Variants in CWF19L2 observed in about 807,000 individuals in gnomAD.
CWF19L2 encodes CWF19 like cell cycle control factor 2, also known as CWF19-like protein 2.
Under a neutral mutation model 111.7 loss-of-function variants are expected in CWF19L2, and 98 were observed. The observed-to-expected ratio is 0.88, with a 90% CI of 0.75 to 1.04. The LOEUF (loss-of-function observed/expected upper bound fraction) is 1.04. Among genes scored for constraint, CWF19L2 ranks in the 50% least tolerant of loss-of-function variants. The probability of loss-of-function intolerance (pLI) is 0.00; values close to 1 mark genes in which losing one functional copy is unlikely to be tolerated. For synonymous variants in CWF19L2, 351 were observed against 342.9 expected, an observed-to-expected ratio of 1.02 and a Z score of -0.26; for missense variants, 1,101 against 1,051.4, an observed-to-expected ratio of 1.05 and a Z score of -0.65.
chr11:107,374,144 T>C (rs1205251451), intron 12 of CWF19L2, among the ~76,000 whole-genome samples: 1 of 134,306 alleles, frequency 7.4e-6, no homozygotes, highest in African/African-American at 3.1e-5. Flanking sequence ...CTACGTCGGA[T>C]TGGTGTACCT....
chr11:107,424,273 G>A (rs909390805), intron 8 of CWF19L2, among the ~76,000 whole-genome samples: 24 of 151,186 alleles, frequency 1.6e-4, no homozygotes, highest in Middle Eastern at 3.4e-3. Context: ...TAACCTCAGG[G>A]ATCTTGCTCA....
intron 12 of CWF19L2, among the ~76,000 whole-genome samples, chr11:107,358,049 T>G (rs929021641): frequency 2.0e-5 from 3 of 152,142 alleles, no homozygotes; most frequent in Non-Finnish European, 4.4e-5. Context: ...AGTTAGCCAT[T>G]TCACACTCAC....
chr11:107,380,638 T>C (rs1001635203), intron 12 of CWF19L2, among the ~76,000 whole-genome samples: 1 of 152,170 alleles, frequency 6.6e-6, no homozygotes, highest in African/African-American at 2.4e-5. Context: ...AGTGTAAAAT[T>C]GTTCAAACTG....
chr11:107,433,668 C>T lies in CWF19L2; in HGVS notation c.746G>A (p.Arg249Lys). 1 of 1,586,068 alleles carries T rather than the reference C, an allele frequency of 6.3e-7. No individual in the cohort carries two copies. ...RMKEQAEKQS[R>K]NFEDIVAERY... ...TTCGGCTACAATGTCCTCAAAGTTT[C>T]TACTTTGTTTCTCAGCTTGTTCCTT... Residue 249 changes from arginine to lysine, a missense_variant, in exon 7 of 18, where the codon AGA becomes AAA. Coordinates refer to ENST00000282251, the MANE Select transcript of CWF19L2 (RefSeq NM_152434.3).
rs902855288 is a variant in CWF19L2 at position 107,417,792 on chromosome 11, C to T, written c.1527+402G>A. ...TTTTTTTTGAGACACAGTCTCGCTT[C>T]GTCACCCAGGCTGGAGTGCTGCAAT... On this transcript the variant is annotated intron_variant, in intron 9 of 17. Transcript: ENST00000282251. Among the ~76,000 whole-genome samples the T allele has an allele frequency of 8.7e-5, 13 of 149,888 alleles. No individual in the cohort carries two copies. In the South Asian group the frequency reaches 2.7e-3, roughly 32 times the overall value.
At chr11:107,457,679 T>C in intron 1 of CWF19L2, 33 bp downstream of exon 1, 1 of 1,493,856 alleles carries the variant, frequency 6.7e-7, no homozygotes, top group Non-Finnish European at 9.1e-7. Context: ...CCCACAACAA[T>C]AAATAACTAC....
chr11:107,384,015 G>C (rs1404827115), intron 12 of CWF19L2, among the ~76,000 whole-genome samples: 1 of 152,122 alleles, frequency 6.6e-6, no homozygotes, highest in Non-Finnish European at 1.5e-5. Flanking sequence ...AGCCTAATAA[G>C]CTCCATAAAG....
chr11:107,420,117 GA>G (rs1861283102), intron 8 of CWF19L2, among the ~76,000 whole-genome samples: 1 of 151,736 alleles, frequency 6.6e-6, no homozygotes, highest in Admixed American at 6.6e-5. Flanking sequence ...AGGACAAAGT[GA>G]AAAAAGAACA....
intron 6 of CWF19L2, among the ~76,000 whole-genome samples, 160 bp from the exon 7 acceptor site, chr11:107,433,909 TATATATATATA>T (rs1861503573): frequency 1.5e-5 from 2 of 133,752 alleles, no homozygotes; most frequent in Non-Finnish European, 3.4e-5. Context: ...TATATATATA[TATATATATATA>T]TTTCAGTGCC....
At chr11:107,422,448 C>G (rs776231190) in intron 8 of CWF19L2, among the ~76,000 whole-genome samples, 67 of 151,824 alleles carry the variant, frequency 4.4e-4, no homozygotes, top group Non-Finnish European at 7.8e-4. Context: ...TGTGGGAAAG[C>G]AGGAGAGAGA....
intron 8 of CWF19L2, among the ~76,000 whole-genome samples, chr11:107,428,215 G>T (rs943961423): frequency 6.0e-4 from 91 of 151,910 alleles, no homozygotes; most frequent in African/African-American, 2.0e-3. Flanking sequence ...CTACATAAAT[G>T]CAACATATAT....
chr11:107,448,532 G>A lies in CWF19L2; in HGVS notation c.340-5483C>T, dbSNP rs541612593. ...AGGGAACAGAAAAAAAAAATACTTC[G>A]AAAAAAGCCTGAAAGTTTCATATTT... is the stretch of plus-strand genomic sequence containing the variant. On this transcript the variant is annotated intron_variant, in intron 3 of 17. Transcript: ENST00000282251. Among the ~76,000 whole-genome samples the A allele has an allele frequency of 6.4e-4, 97 of 151,764 alleles. 1 individual carries two copies. The highest frequency in any genetic ancestry group is 2.2e-3 in the African/African-American group (91 of 41,376).
chr11:107,451,015 A>C (rs995563507), intron 3 of CWF19L2, among the ~76,000 whole-genome samples: 11 of 152,214 alleles, frequency 7.2e-5, no homozygotes, highest in Non-Finnish European at 1.6e-4. Context: ...GACATTTATA[A>C]AACACTATAC....
chr11:107,363,048 A>C (rs375464355), intron 12 of CWF19L2, among the ~76,000 whole-genome samples: 108 of 152,184 alleles, frequency 7.1e-4, no homozygotes, highest in East Asian at 5.6e-3. Flanking sequence ...GGAGCTGATG[A>C]GATCAACTGG....
chr11:107,392,189 G>A (rs1037171918), intron 11 of CWF19L2, among the ~76,000 whole-genome samples: 3 of 152,110 alleles, frequency 2.0e-5, no homozygotes, highest in Non-Finnish European at 4.4e-5. Context: ...TATTCTGAAT[G>A]AACAGTTCTT....
rs143584958 is a variant in CWF19L2 at position 107,395,178 on chromosome 11, T to C, written c.1618-2283A>G. Among the ~76,000 whole-genome samples the C allele has an allele frequency of 3.3e-3, 501 of 152,310 alleles. 1 individual carries two copies. The highest frequency in any genetic ancestry group is 5.5e-3 in the Non-Finnish European group (374 of 68,022). On this transcript the variant is annotated intron_variant, in intron 10 of 17. Coordinates refer to ENST00000282251, the MANE Select transcript of CWF19L2 (RefSeq NM_152434.3). Reference sequence around the variant, plus strand: ...GGTCTTTCCTGTGCTGTTCTCGTGATAGTGAATGGATCTCATGAGATCTGA... The same window carrying C: ...GGTCTTTCCTGTGCTGTTCTCGTGACAGTGAATGGATCTCATGAGATCTGA...
chr11:107,372,398 G>A (rs1460899763), intron 12 of CWF19L2, among the ~76,000 whole-genome samples: 1 of 135,282 alleles, frequency 7.4e-6, no homozygotes, highest in Non-Finnish European at 1.6e-5. Flanking sequence ...AACAGCAAAT[G>A]CAGTCTGTGG....
intron 8 of CWF19L2, 125 bp downstream of exon 8, chr11:107,428,674 C>G: frequency 1.3e-6 from 1 of 756,116 alleles, no homozygotes; most frequent in Non-Finnish European, 2.2e-6. Context: ...CATATCTTAC[C>G]CCTTCTATCA....
chr11:107,444,346 C>G (rs1385105900), intron 3 of CWF19L2, among the ~76,000 whole-genome samples: 1 of 152,172 alleles, frequency 6.6e-6, no homozygotes, highest in Non-Finnish European at 1.5e-5. Flanking sequence ...CTCAACAAAA[C>G]GTTTCAGTCT....
Sources: gnomAD v4.1 joint callset for allele counts (sites outside exome capture counted in the v4.1 genomes callset) on GRCh38, gnomAD v4.1.1 for gene constraint, MANE v1.5 for transcripts, NCBI Gene and HGNC (gene_info 2026-07-23, HGNC 2026-07-21) for gene names.